CCDC7: variants seen among roughly 807,000 people sequenced by gnomAD.
CCDC7 encodes coiled-coil domain containing 7.
A neutral mutation model predicts 196.9 loss-of-function variants in CCDC7; 183 were observed. The ratio of observed to expected loss-of-function variants is 0.93; its 90% CI spans 0.82 to 1.05. The LOEUF (loss-of-function observed/expected upper bound fraction) is 1.05, where lower values mean the gene tolerates loss of function less well. Among genes scored for constraint, CCDC7 ranks in the 50% least tolerant of loss-of-function variants. The probability of loss-of-function intolerance (pLI) is 0.00; values close to 1 mark genes in which losing one functional copy is unlikely to be tolerated. For synonymous variants in CCDC7, 525 were observed against 484.6 expected (o/e 1.08, Z -1.10); for missense variants, 1,540 against 1,482.2 (o/e 1.04, Z -0.64).
intron 21 of CCDC7, among the ~76,000 whole-genome samples, chr10:32,674,455 GTAATGGTTT>G (rs1554980181): frequency 6.6e-6 from 1 of 151,970 alleles, no homozygotes; most frequent in Non-Finnish European, 1.5e-5. Context: ...AAATAATCTT[GTAATGGTTT>G]TAATTTTCTT....
intron 13 of CCDC7, among the ~76,000 whole-genome samples, chr10:32,551,395 T>C (rs756267568): frequency 5.9e-5 from 9 of 152,114 alleles, no homozygotes; most frequent in Non-Finnish European, 8.8e-5. Flanking sequence ...TTCAATTTCA[T>C]TTAGTTCTGC....
chr10:32,709,898 C>T (rs1441659306), intron 24 of CCDC7, among the ~76,000 whole-genome samples: 1 of 152,040 alleles, frequency 6.6e-6, no homozygotes, highest in Non-Finnish European at 1.5e-5. Context: ...TCATTGACTG[C>T]TCTCACTCTC....
At chr10:32,489,193 A>G (rs986179995) in intron 8 of CCDC7, among the ~76,000 whole-genome samples, 10 of 152,178 alleles carry the variant, frequency 6.6e-5, no homozygotes, top group African/African-American at 2.4e-4. Context: ...ATCTGGGAGC[A>G]CAGGCATGTA....
Position 32,458,009 on chromosome 10 carries a change from T to C in CCDC7, c.456+1675T>C, listed in dbSNP as rs149274553. On this transcript the variant is annotated intron_variant, in intron 3 of 41. Transcript: ENST00000639629. ...TCACTCTGTTGGTTGTTTCCTTTGCTGTGCAGAAGCTTTTTAGTTTGATAT... is the reference window on the plus strand; with the variant it reads ...TCACTCTGTTGGTTGTTTCCTTTGCCGTGCAGAAGCTTTTTAGTTTGATAT... Among the ~76,000 whole-genome samples, 21 of 152,328 alleles carry C rather than the reference T, an allele frequency of 1.4e-4. No individual in the cohort carries two copies. In the East Asian group the frequency reaches 4.0e-3, roughly 29 times the overall value.
intron 28 of CCDC7, among the ~76,000 whole-genome samples, chr10:32,733,892 C>A (rs1169828727): frequency 6.6e-6 from 1 of 152,174 alleles, no homozygotes; most frequent in Admixed American, 6.5e-5. Context: ...CCATCTCACA[C>A]TAGTCAGAAT....
At chr10:32,589,685 T>C (rs1265721126) in intron 18 of CCDC7, among the ~76,000 whole-genome samples, 2 of 152,180 alleles carry the variant, frequency 1.3e-5, no homozygotes, top group African/African-American at 4.8e-5. Flanking sequence ...TGGGTCTATG[T>C]CTTTCTTTAG....
At position 32,507,987 on chromosome 10, in the gene CCDC7, A is replaced by G. The variant is rs184133577; in HGVS notation, c.873-9958A>G. Among the ~76,000 whole-genome samples the G allele has an allele frequency of 2.7e-3, 404 of 152,356 alleles. 1 individual carries two copies. The highest frequency in any genetic ancestry group is 4.1e-3 in the Non-Finnish European group (279 of 68,036). ...AAGACAAGGATGCCTACTCTTACCA[A>G]TTCTATTCAATGTAGTACCAGAAGT... On this transcript the variant is annotated intron_variant, in intron 9 of 41. Transcript: ENST00000639629.
At chr10:32,506,710 G>C (rs2045212462) in intron 9 of CCDC7, among the ~76,000 whole-genome samples, 1 of 149,648 alleles carries the variant, frequency 6.7e-6, no homozygotes, top group African/African-American at 2.6e-5. Context: ...AAATCAGTCA[G>C]TAGTGGCGGT....
At chr10:32,653,734 C>T (rs1038910664) in intron 20 of CCDC7, among the ~76,000 whole-genome samples, 1 of 152,158 alleles carries the variant, frequency 6.6e-6, no homozygotes, top group Non-Finnish European at 1.5e-5. Flanking sequence ...AAAAGCCCAT[C>T]TCAAATTACA....
intron 33 of CCDC7, among the ~76,000 whole-genome samples, chr10:32,841,877 A>G (rs187912374): frequency 3.3e-4 from 51 of 152,246 alleles, no homozygotes; most frequent in Admixed American, 3.0e-3. Flanking sequence ...TATTCAACGA[A>G]TGTTGCTGGA....
rs892127080 is a variant in CCDC7 at position 32,647,569 on chromosome 10, G to T, written c.2014+12411G>T. Among the ~76,000 whole-genome samples the T allele has an allele frequency of 2.0e-5, 3 of 151,608 alleles. No individual in the cohort carries two copies. In the Admixed American group the frequency reaches 2.0e-4, roughly 10 times the overall value. Reference sequence around the variant, plus strand: ...TGGTATCTCATTGTGCTTTTGACTTGCATTACTCTAATAATTAGTGATGCT... The same window carrying T: ...TGGTATCTCATTGTGCTTTTGACTTTCATTACTCTAATAATTAGTGATGCT... On this transcript the variant is annotated intron_variant, in intron 20 of 41. Transcript: ENST00000639629.
intron 21 of CCDC7, among the ~76,000 whole-genome samples, chr10:32,678,011 T>A (rs1027644171): frequency 3.3e-5 from 5 of 152,094 alleles, no homozygotes; most frequent in African/African-American, 9.7e-5. Flanking sequence ...ATCTATGAAA[T>A]TTTTCAGTTT....
chr10:32,873,313 C>T (rs1489304013), intron 41 of CCDC7, among the ~76,000 whole-genome samples: 1 of 152,014 alleles, frequency 6.6e-6, no homozygotes. Context: ...ACCCTTTCTT[C>T]CAGTTGATCG....
intron 3 of CCDC7, among the ~76,000 whole-genome samples, chr10:32,458,419 G>T (rs1292367421): frequency 6.7e-6 from 1 of 150,242 alleles, no homozygotes; most frequent in African/African-American, 2.4e-5. Context: ...TGCTGTTGTG[G>T]CTACTATAGC....
At chr10:32,464,987 G>A (rs993157663) in intron 5 of CCDC7, among the ~76,000 whole-genome samples, 7 of 151,580 alleles carry the variant, frequency 4.6e-5, no homozygotes, top group African/African-American at 1.7e-4. Flanking sequence ...AAATTATTTT[G>A]TATGCAAATT....
chr10:32,517,958 C>T lies in CCDC7; in HGVS notation c.886C>T (p.Gln296Ter), dbSNP rs766317859. ...TTTATTTTTCAGAGCTGTAAATGAT[C>T]AAGTTTTGTTAGATGCTGTAAGTAT... is the stretch of plus-strand genomic sequence containing the variant. Residue 296 changes from glutamine to a stop codon, truncating the protein, a stop_gained, in exon 10 of 42, where the codon CAA becomes TAA. Transcript: ENST00000639629. LOFTEE classifies it high-confidence loss of function. 3 of 1,589,112 alleles carry T rather than the reference C, an allele frequency of 1.9e-6. No individual in the cohort carries two copies. The highest frequency in any genetic ancestry group is 2.6e-6 in the Non-Finnish European group (3 of 1,169,402).
chr10:32,778,401 A>G (rs1157025364), intron 28 of CCDC7, among the ~76,000 whole-genome samples: 1 of 152,198 alleles, frequency 6.6e-6, no homozygotes, highest in Admixed American at 6.5e-5. Flanking sequence ...TCTTCTGCAT[A>G]TGGCTTGCCA....
At chr10:32,621,323 C>T (rs2139142774) in intron 18 of CCDC7, among the ~76,000 whole-genome samples, 1 of 152,176 alleles carries the variant, frequency 6.6e-6, no homozygotes, top group East Asian at 1.9e-4. Flanking sequence ...TTTTCAAAGA[C>T]TTTTTTGTTA....
At chr10:32,673,415 A>T (rs1483005976) in intron 21 of CCDC7, among the ~76,000 whole-genome samples, 11 of 152,054 alleles carry the variant, frequency 7.2e-5, no homozygotes, top group Admixed American at 6.6e-4. Context: ...TGAACAAAAG[A>T]TGTCTTTCCA....
Sources: allele counts gnomAD v4.1 joint callset (sites outside exome capture counted in the v4.1 genomes callset), GRCh38; gene constraint gnomAD v4.1.1; transcripts MANE v1.5; gene names NCBI Gene and HGNC (gene_info 2026-07-23, HGNC 2026-07-21).